The following ERP44 variants were observed in gnomAD, a reference collection of about 807,000 sequenced individuals.
ERP44 encodes endoplasmic reticulum protein 44.
A neutral mutation model predicts 53.4 loss-of-function variants in ERP44; 25 were observed. The ratio of observed to expected loss-of-function variants is 0.47; its 90% CI spans 0.34 to 0.65. The LOEUF is 0.65. ERP44 is among the 30% of genes least tolerant of loss of function. ERP44 has a pLI of 0.01. For missense variants in ERP44, 338 were observed against 493.2 expected (o/e 0.69, Z 2.98); for synonymous variants, 145 against 161.2 (o/e 0.90, Z 0.76).
chr9:100,019,380 T>TA (rs575820905), intron 6 of ERP44, among the ~76,000 whole-genome samples: 4 of 151,866 alleles, frequency 2.6e-5, no homozygotes, highest in Non-Finnish European at 5.9e-5. Context: ...CTCAATCGCT[T>TA]AAAAAACAAA....
intron 1 of ERP44, among the ~76,000 whole-genome samples, chr9:100,098,036 C>T (rs1037670536): frequency 1.3e-5 from 2 of 152,144 alleles, no homozygotes; most frequent in African/African-American, 4.8e-5. Context: ...ATCAATTAGT[C>T]TGCACACTCA....
In ERP44 at chr9:100,079,952, A is replaced by C. The variant is rs972167768; in HGVS notation, c.57+18832T>G. On this transcript the variant is annotated intron_variant, in intron 1 of 11. Coordinates refer to ENST00000262455, the MANE Select transcript of ERP44 (RefSeq NM_015051.3). ...CTGTCTTTAAAAAAAACAAAAAAAAAAAAAACAGAATCATAAACTTCAAAG... is the reference window on the plus strand; with the variant it reads ...CTGTCTTTAAAAAAAACAAAAAAAACAAAAACAGAATCATAAACTTCAAAG... 2.6e-5 allele frequency among the ~76,000 whole-genome samples: 4 copies of C among 152,068 alleles called. No homozygotes were observed. The South Asian group carries it at 6.2e-4, about 24-fold the overall frequency.
At chr9:100,066,043 C>T (rs1236611542) in intron 1 of ERP44, among the ~76,000 whole-genome samples, 1 of 152,190 alleles carries the variant, frequency 6.6e-6, no homozygotes, top group Non-Finnish European at 1.5e-5. Flanking sequence ...GAATACTAGG[C>T]CCCACTCTAG....
intron 7 of ERP44, 50 bp from the exon 8 acceptor site, chr9:100,016,488 G>A: frequency 6.6e-7 from 1 of 1,521,582 alleles, no homozygotes; most frequent in Non-Finnish European, 8.7e-7. Context: ...GCTGGCAAAA[G>A]TATATTCTTA....
intron 4 of ERP44, among the ~76,000 whole-genome samples, chr9:100,031,561 C>A (rs191509946): frequency 6.6e-6 from 1 of 152,150 alleles, no homozygotes; most frequent in African/African-American, 2.4e-5. Flanking sequence ...TCCCTCTCCA[C>A]GAACCATCTT....
At chr9:100,083,870 T>C (rs1304850270) in intron 1 of ERP44, among the ~76,000 whole-genome samples, 5 of 152,224 alleles carry the variant, frequency 3.3e-5, no homozygotes, top group Non-Finnish European at 5.9e-5. Flanking sequence ...AGAAAAGCTC[T>C]AAGATAGTAC....
chr9:100,050,844 T>C (rs1332508256), intron 4 of ERP44, among the ~76,000 whole-genome samples: 3 of 152,244 alleles, frequency 2.0e-5, no homozygotes, highest in African/African-American at 7.2e-5. Flanking sequence ...ATGATATTTA[T>C]GGTTCAAGGA....
chr9:100,053,154 G>A (rs1319945070), intron 3 of ERP44, among the ~76,000 whole-genome samples: 3 of 152,062 alleles, frequency 2.0e-5, no homozygotes, highest in African/African-American at 7.2e-5. Context: ...AAATAAATAA[G>A]TTATATTAAA....
chr9:100,097,655 G>C (rs1471333303), intron 1 of ERP44, among the ~76,000 whole-genome samples: 1 of 152,138 alleles, frequency 6.6e-6, no homozygotes, highest in Non-Finnish European at 1.5e-5. Context: ...AAAGTACTTT[G>C]ACATGCCATT....
intron 2 of ERP44, among the ~76,000 whole-genome samples, chr9:100,059,708 T>C (rs1018925136): frequency 6.7e-6 from 1 of 149,942 alleles, no homozygotes; most frequent in Non-Finnish European, 1.5e-5. Flanking sequence ...AAATAAAAAA[T>C]AAAAAAAGTA....
intron 4 of ERP44, among the ~76,000 whole-genome samples, chr9:100,052,087 T>C (rs1826044587): frequency 6.6e-6 from 1 of 152,168 alleles, no homozygotes; most frequent in African/African-American, 2.4e-5. Context: ...TACATTTCAA[T>C]CTTATTTACT....
chr9:100,048,862 G>A (rs997458280), intron 4 of ERP44, among the ~76,000 whole-genome samples: 2 of 152,156 alleles, frequency 1.3e-5, no homozygotes, highest in Non-Finnish European at 2.9e-5. Flanking sequence ...CAGGGGCTGG[G>A]GAGAATGGGC....
chr9:100,071,101 T>TTTG (rs1826298244), intron 1 of ERP44, among the ~76,000 whole-genome samples: 1 of 149,524 alleles, frequency 6.7e-6, no homozygotes, highest in African/African-American at 2.5e-5. Flanking sequence ...AGGTTTTTTT[T>TTTG]TTTTTTTTTT....
At chr9:100,029,089 C>T (rs1362007691) in intron 4 of ERP44, among the ~76,000 whole-genome samples, 1 of 151,794 alleles carries the variant, frequency 6.6e-6, no homozygotes, top group African/African-American at 2.4e-5. Flanking sequence ...TAGAAGAAAA[C>T]ATAGGGGAAA....
chr9:100,078,351 A>G (rs958294245), intron 1 of ERP44, among the ~76,000 whole-genome samples: 2 of 150,718 alleles, frequency 1.3e-5, no homozygotes, highest in Admixed American at 6.6e-5. Context: ...CCAGCTACTC[A>G]GGAGGGTGAG....
chr9:99,995,920 C>CTTTTTTTT (rs34632626), intron 10 of ERP44, among the ~76,000 whole-genome samples: 5 of 121,400 alleles, frequency 4.1e-5, no homozygotes, highest in Non-Finnish European at 6.9e-5. Flanking sequence ...TAGGGTAGTT[C>CTTTTTTTT]TTTTTTTTTT....
chr9:99,986,330 T>A (rs1830195341), intron 10 of ERP44, among the ~76,000 whole-genome samples: 1 of 152,230 alleles, frequency 6.6e-6, no homozygotes, highest in Admixed American at 6.5e-5. Context: ...TAATTTACAT[T>A]TCTTCACAAA....
chr9:99,998,316 C>T, intron 10 of ERP44: 2 of 483,546 alleles, frequency 4.1e-6, no homozygotes, highest in South Asian at 4.4e-5. Flanking sequence ...CTGCCTCTTC[C>T]CTGTTCTCAG....
chr9:99,999,868 G>A (rs1830359321), intron 10 of ERP44, among the ~76,000 whole-genome samples: 1 of 152,052 alleles, frequency 6.6e-6, no homozygotes, highest in Non-Finnish European at 1.5e-5. Flanking sequence ...GGCGAGATGA[G>A]GGTCTAATTT....
Sources: allele counts gnomAD v4.1 joint callset (sites outside exome capture counted in the v4.1 genomes callset), GRCh38; gene constraint gnomAD v4.1.1; transcripts MANE v1.5; gene names NCBI Gene and HGNC (gene_info 2026-07-23, HGNC 2026-07-21).